The following ELMO1 variants were observed in gnomAD, a reference collection of about 807,000 sequenced individuals.
ELMO1 encodes engulfment and cell motility 1.
A neutral mutation model predicts 98.9 loss-of-function variants in ELMO1; 26 were observed. That is an observed-to-expected ratio of 0.26 (90% CI 0.19 to 0.36). The LOEUF (loss-of-function observed/expected upper bound fraction) is 0.36. Ranked by LOEUF, ELMO1 falls within the 10% of genes least tolerant of loss-of-function variation. ELMO1 has a pLI of 1.00. For synonymous variants in ELMO1, 346 were observed against 346.0 expected, an observed-to-expected ratio of 1.00 and a Z score of 0.00; for missense variants, 627 against 935.2, an observed-to-expected ratio of 0.67 and a Z score of 4.30.
In ELMO1 at chr7:36,862,891, T is replaced by C. The variant is rs146258179; in HGVS notation, c.1906-1155A>G. Among the ~76,000 whole-genome samples, 836 of 152,348 alleles carry C rather than the reference T, an allele frequency of 5.5e-3. 7 individuals are homozygous for C. The highest frequency in any genetic ancestry group is 8.7e-3 in the Non-Finnish European group (591 of 68,024). On this transcript the variant is annotated intron_variant, in intron 20 of 21. Transcript: ENST00000310758. ...TCTGTTAGAGGGTTTGTCTTTGGCCTGTGACTCACAGCAAAAATGCCCCAG... is the reference window on the plus strand; with the variant it reads ...TCTGTTAGAGGGTTTGTCTTTGGCCCGTGACTCACAGCAAAAATGCCCCAG...
intron 6 of ELMO1, among the ~76,000 whole-genome samples, chr7:37,245,436 A>G (rs975209458): frequency 4.6e-5 from 7 of 152,158 alleles, no homozygotes; most frequent in African/African-American, 7.2e-5. Context: ...AAATGTAACC[A>G]TTTCAGAAAT....
intron 16 of ELMO1, among the ~76,000 whole-genome samples, chr7:36,934,790 A>G (rs1177659526): frequency 2.6e-5 from 4 of 152,208 alleles, no homozygotes. Context: ...GGGCCAGAGA[A>G]ATTCTAAAGA....
At chr7:37,015,893 C>A (rs1352984629) in intron 15 of ELMO1, among the ~76,000 whole-genome samples, 1 of 152,194 alleles carries the variant, frequency 6.6e-6, no homozygotes, top group Non-Finnish European at 1.5e-5. Context: ...GCCTGTGTTA[C>A]TAGCAGAGAG....
intron 1 of ELMO1, among the ~76,000 whole-genome samples, chr7:37,394,643 A>G (rs1298074144): frequency 6.6e-6 from 1 of 152,214 alleles, no homozygotes; most frequent in East Asian, 1.9e-4. Context: ...TAGGGCAGGA[A>G]CAGTGTGGAG....
At chr7:37,387,992 T>C (rs1020236955) in intron 1 of ELMO1, among the ~76,000 whole-genome samples, 1 of 152,020 alleles carries the variant, frequency 6.6e-6, no homozygotes, top group Non-Finnish European at 1.5e-5. Flanking sequence ...CCACCACGCC[T>C]GGCCAATTTT....
chr7:37,186,126 T>C (rs377086364), intron 13 of ELMO1, among the ~76,000 whole-genome samples: 10 of 152,268 alleles, frequency 6.6e-5, no homozygotes, highest in Middle Eastern at 3.4e-3. Context: ...CATATAGCAA[T>C]GGAACAGGAT....
chr7:37,005,749 A>G (rs1793071088), intron 16 of ELMO1, among the ~76,000 whole-genome samples: 1 of 147,922 alleles, frequency 6.8e-6, no homozygotes, highest in Non-Finnish European at 1.5e-5. Context: ...ACTAAACTTG[A>G]GGGAGCAGCT....
intron 15 of ELMO1, among the ~76,000 whole-genome samples, chr7:37,028,689 C>T (rs1794715750): frequency 1.3e-5 from 2 of 152,210 alleles, no homozygotes; most frequent in Middle Eastern, 3.4e-3. Flanking sequence ...CTCAAGCGAC[C>T]GTCCCGCCTC....
chr7:37,390,125 G>A (rs1485177314), intron 1 of ELMO1, among the ~76,000 whole-genome samples: 3 of 152,154 alleles, frequency 2.0e-5, no homozygotes, highest in African/African-American at 4.8e-5. Context: ...CACCATGGAC[G>A]TAAAAATGCA....
intron 14 of ELMO1, among the ~76,000 whole-genome samples, chr7:37,104,547 T>C (rs764675730): frequency 1.3e-5 from 2 of 152,192 alleles, no homozygotes; most frequent in African/African-American, 2.4e-5. Context: ...TTCACCAGCA[T>C]GCCCTTAAGT....
chr7:36,907,246 G>A (rs1784030063), intron 16 of ELMO1, among the ~76,000 whole-genome samples: 1 of 152,140 alleles, frequency 6.6e-6, no homozygotes, highest in African/African-American at 2.4e-5. Flanking sequence ...GAGAGGAGCA[G>A]TGATAGATTA....
At chr7:37,216,735 G>A in intron 10 of ELMO1, 40 bp from the exon 11 acceptor site, 1 of 1,613,376 alleles carries the variant, frequency 6.2e-7, no homozygotes, top group Non-Finnish European at 8.5e-7. Context: ...GCTTAGGTTA[G>A]AAAGCTACAT....
intron 1 of ELMO1, among the ~76,000 whole-genome samples, chr7:37,376,339 C>G (rs1445352633): frequency 6.6e-6 from 1 of 152,170 alleles, no homozygotes; most frequent in East Asian, 1.9e-4. Context: ...TGGGAGGGGC[C>G]TGAGTACCTG....
chr7:37,106,410 A>G (rs1182841445), intron 14 of ELMO1, among the ~76,000 whole-genome samples: 2 of 152,174 alleles, frequency 1.3e-5, no homozygotes. Context: ...ATGAAAGGAC[A>G]TCATGCTCCT....
chr7:36,855,479 T>G lies in ELMO1; in HGVS notation c.*72A>C. On this transcript the variant is annotated 3_prime_UTR_variant, in exon 22 of 22. Coordinates refer to ENST00000310758, the MANE Select transcript of ELMO1 (RefSeq NM_014800.11). This position sits in a 1 kb window ranked among gnomAD's most constrained non-coding sequence, Gnocchi z 4.2. ...CCAAAGGACGGTTCCAAGGCGTGGGTGTGTTTTCATTCCTCTCTCCTGTTA... is the reference window on the plus strand; with the variant it reads ...CCAAAGGACGGTTCCAAGGCGTGGGGGTGTTTTCATTCCTCTCTCCTGTTA... 6.3e-7 allele frequency: 1 copy of G among 1,581,568 alleles called. No individual in the cohort carries two copies. The highest frequency in any genetic ancestry group is 1.1e-5 in the South Asian group (1 of 89,862).
At chr7:37,395,256 AC>A (rs1803246261) in intron 1 of ELMO1, among the ~76,000 whole-genome samples, 1 of 151,156 alleles carries the variant, frequency 6.6e-6, no homozygotes, top group East Asian at 2.0e-4. Flanking sequence ...AATCCCGGCT[AC>A]TCAGGAGGGT....
rs774454420 is a variant in ELMO1, at chr7:37,109,145, C to T, written c.1192-12418G>A. On this transcript the variant is annotated intron_variant, in intron 14 of 21. Transcript: ENST00000310758. ...TGGGGGGAAAACTCACTTGGAGACT[C>T]TCTGCATTGAAGCATGTGCCTGGTG... 2.6e-4 allele frequency among the ~76,000 whole-genome samples: 39 copies of T among 152,242 alleles called. No individual in the cohort carries two copies. The Middle Eastern group carries it at 0.01, about 40-fold the overall frequency.
chr7:36,907,948 C>T (rs1033114869), intron 16 of ELMO1, among the ~76,000 whole-genome samples: 7 of 152,188 alleles, frequency 4.6e-5, no homozygotes, highest in Non-Finnish European at 7.3e-5. Context: ...ACACACAGGA[C>T]GGGTCAATAA....
chr7:37,374,046 A>G (rs1321248295), intron 1 of ELMO1, among the ~76,000 whole-genome samples: 1 of 152,238 alleles, frequency 6.6e-6, no homozygotes, highest in Non-Finnish European at 1.5e-5. Context: ...GGCACCATGC[A>G]TGAAGTTCCC....
Sources: gnomAD v4.1 joint callset for allele counts (sites outside exome capture counted in the v4.1 genomes callset) on GRCh38, gnomAD v4.1.1 for gene constraint, Gnocchi (gnomAD v3.1) non-coding constraint, MANE v1.5 for transcripts, NCBI Gene and HGNC (gene_info 2026-07-23, HGNC 2026-07-21) for gene names.